Variants in UBE2Q2 observed in about 807,000 individuals in gnomAD.
UBE2Q2 encodes the protein ubiquitin conjugating enzyme E2 Q2.
Under a neutral mutation model 59.9 loss-of-function variants are expected in UBE2Q2, and 54 were observed. The ratio of observed to expected loss-of-function variants is 0.90; its 90% CI spans 0.72 to 1.13. The LOEUF is 1.13. Among genes scored for constraint, UBE2Q2 ranks in the 50% most tolerant of loss-of-function variants. The probability of loss-of-function intolerance (pLI) is 0.00; values close to 1 mark genes in which losing one functional copy is unlikely to be tolerated. For synonymous variants in UBE2Q2, 165 were observed against 155.2 expected (o/e 1.06, Z -0.47); for missense variants, 433 against 441.9 (o/e 0.98, Z 0.18).
intron 3 of UBE2Q2, among the ~76,000 whole-genome samples, chr15:75,864,965 A>T (rs542167769): frequency 1.5e-4 from 23 of 152,220 alleles, no homozygotes; most frequent in Non-Finnish European, 3.2e-4. Context: ...TTTTCTAAGT[A>T]AGTTTATTCC....
chr15:75,844,391 G>A, intron 1 of UBE2Q2: 5 of 1,551,432 alleles, frequency 3.2e-6, no homozygotes, highest in Non-Finnish European at 4.4e-6. Flanking sequence ...AAGTTGGAAT[G>A]CAGACTCTGG....
intron 3 of UBE2Q2, among the ~76,000 whole-genome samples, chr15:75,866,897 C>T (rs954644405): frequency 2.0e-5 from 3 of 152,132 alleles, no homozygotes; most frequent in African/African-American, 7.2e-5. Context: ...CTATTTATTT[C>T]CTTCATTAGT....
intron 3 of UBE2Q2, among the ~76,000 whole-genome samples, chr15:75,866,688 CTGTT>C (rs1897504078): frequency 6.7e-6 from 1 of 148,316 alleles, no homozygotes; most frequent in East Asian, 1.9e-4. Context: ...GGAAATGTCA[CTGTT>C]TGTTTTTCTT....
At chr15:75,844,173 G>T in intron 1 of UBE2Q2, 1 of 1,440,008 alleles carries the variant, frequency 6.9e-7, no homozygotes, top group Non-Finnish European at 9.1e-7. Flanking sequence ...GCCCTCAGCC[G>T]GCCTGCTCCC....
At chr15:75,864,607 T>TA (rs34148087) in intron 3 of UBE2Q2, among the ~76,000 whole-genome samples, 36,046 of 134,558 alleles carry the variant, frequency 0.27, 4,855 homozygotes, top group Non-Finnish European at 0.32. Context: ...CTGTAGATTC[T>TA]AAAAAAAAAA....
chr15:75,870,828 G>T (rs543762008), intron 4 of UBE2Q2, among the ~76,000 whole-genome samples: 11 of 152,290 alleles, frequency 7.2e-5, no homozygotes, highest in African/African-American at 2.6e-4. Flanking sequence ...TTCGAGACAG[G>T]TGTGTTTCTA....
chr15:75,862,294 C>G (rs185322354), intron 3 of UBE2Q2, among the ~76,000 whole-genome samples: 6 of 152,046 alleles, frequency 3.9e-5, no homozygotes, highest in Admixed American at 6.6e-5. Flanking sequence ...ATTTTTTATT[C>G]ATATTCTATT....
chr15:75,851,132 C>A (rs1180510393), intron 1 of UBE2Q2, among the ~76,000 whole-genome samples: 4 of 148,312 alleles, frequency 2.7e-5, no homozygotes, highest in Admixed American at 6.7e-5. Context: ...CCTGGATATT[C>A]TTCTTTTTTT....
chr15:75,870,326 A>G (rs1172751566), intron 4 of UBE2Q2, among the ~76,000 whole-genome samples: 1 of 152,132 alleles, frequency 6.6e-6, no homozygotes, highest in African/African-American at 2.4e-5. Flanking sequence ...CTGGCCTCCC[A>G]AAGTGCTGGG....
At chr15:75,854,508 A>G (rs948092115) in intron 2 of UBE2Q2, 21 bp downstream of exon 2, 8 of 1,515,814 alleles carry the variant, frequency 5.3e-6, no homozygotes, top group African/African-American at 4.1e-5. Flanking sequence ...AAGCCAAGCT[A>G]TTTTCTCTTT....
chr15:75,876,323 T>C, intron 6 of UBE2Q2, 52 bp downstream of exon 6: 11 of 1,458,454 alleles, frequency 7.5e-6, no homozygotes, highest in South Asian at 2.4e-5. Flanking sequence ...CTCTTTTCTA[T>C]TGTCAGATTA....
At chr15:75,870,878 A>G (rs1897748384) in intron 4 of UBE2Q2, among the ~76,000 whole-genome samples, 1 of 152,178 alleles carries the variant, frequency 6.6e-6, no homozygotes, top group Admixed American at 6.5e-5. Context: ...GCCCCTCCAC[A>G]CCTGTGGGTG....
At chr15:75,895,775 A>T (rs1310304944) in intron 11 of UBE2Q2, among the ~76,000 whole-genome samples, 1 of 152,142 alleles carries the variant, frequency 6.6e-6, no homozygotes, top group Non-Finnish European at 1.5e-5. Flanking sequence ...ACTCTTACAG[A>T]TGGCTGGTGG....
At chr15:75,864,706 T>A (rs1897370046) in intron 3 of UBE2Q2, among the ~76,000 whole-genome samples, 2 of 152,330 alleles carry the variant, frequency 1.3e-5, no homozygotes, top group South Asian at 4.1e-4. Flanking sequence ...AAGTTTTCTT[T>A]ATCTTGATTA....
rs546554081 is a variant in UBE2Q2 at position 75,880,241 on chromosome 15, T to G, written c.825+1053T>G. Among the ~76,000 whole-genome samples, 6 of 151,620 alleles carry G rather than the reference T, an allele frequency of 4.0e-5. 1 individual carries two copies. Among genetic ancestry groups the G allele is most frequent in the Admixed American group, 3.9e-4 (6 of 15,226 alleles). The stretch of plus-strand genomic sequence containing the variant: ...GATTCTCCTGCCTCAGCCTCCTGAG[T>G]AGCTGGGATTACAGGTGCATGTCAC... On this transcript the variant is annotated intron_variant, in intron 8 of 12. Transcript: ENST00000267938.
At chr15:75,859,020 G>A (rs923016146) in intron 2 of UBE2Q2, among the ~76,000 whole-genome samples, 1 of 152,086 alleles carries the variant, frequency 6.6e-6, no homozygotes, top group African/African-American at 2.4e-5. Context: ...AGCCACCTAG[G>A]AAACTGTTCC....
At chr15:75,856,407 G>C (rs1567019152) in intron 2 of UBE2Q2, among the ~76,000 whole-genome samples, 1 of 151,864 alleles carries the variant, frequency 6.6e-6, no homozygotes, top group Non-Finnish European at 1.5e-5. Context: ...TGTTCAACCA[G>C]ATGTTCAATA....
chr15:75,876,129 G>T, intron 5 of UBE2Q2, 58 bp from the exon 6 acceptor site: 1 of 1,447,232 alleles, frequency 6.9e-7, no homozygotes, highest in African/African-American at 1.4e-5. Context: ...AGATCAGGTT[G>T]AAATATCTTA....
chr15:75,881,062 A>G (rs1021272253), intron 8 of UBE2Q2, among the ~76,000 whole-genome samples: 3 of 152,132 alleles, frequency 2.0e-5, no homozygotes, highest in Non-Finnish European at 2.9e-5. Context: ...TGAGTCTGGT[A>G]TATATTGACT....
Sources: allele counts gnomAD v4.1 joint callset (sites outside exome capture counted in the v4.1 genomes callset), GRCh38; gene constraint gnomAD v4.1.1; transcripts MANE v1.5; gene names NCBI Gene and HGNC (gene_info 2026-07-23, HGNC 2026-07-21).